Variants in CRYAB observed in about 807,000 individuals in gnomAD.
CRYAB encodes the protein crystallin alpha B.
In CRYAB, 9 loss-of-function variants were observed where a neutral mutation model predicts 12.7. The observed-to-expected ratio is 0.71, with a 90% CI of 0.43 to 1.24. CRYAB has a LOEUF of 1.24. CRYAB is among the 50% of genes most tolerant of loss of function. The probability of loss-of-function intolerance (pLI) is 0.00; values close to 1 mark genes in which losing one functional copy is unlikely to be tolerated. For missense variants in CRYAB, 183 were observed against 226.6 expected (o/e 0.81, Z 1.24); for synonymous variants, 93 against 86.8 (o/e 1.07, Z -0.40).
intron 2 of CRYAB, 172 bp from the exon 3 acceptor site, chr11:111,909,139 G>C (rs538066986): frequency 1.4e-6 from 1 of 706,492 alleles, no homozygotes; most frequent in South Asian, 1.5e-5. Context: ...AATTGCCTAG[G>C]TAGTCACTCC....
Position 111,911,659 on chromosome 11 carries a change from G to A in CRYAB, c.66C>T (p.Arg22=), listed in dbSNP as rs1310997127. Residue 22 remains arginine, a synonymous_variant, in exon 1 of 3, where the codon CGC becomes CGT. Coordinates refer to ENST00000650687, the MANE Select transcript of CRYAB (RefSeq NM_001289808.2). ...GCTCTCCGAAGAACTGGTCAAAGAGGCGGCTGGGGGAGTGGAAAGGAAAGA... is the reference window on the plus strand; with the variant it reads ...GCTCTCCGAAGAACTGGTCAAAGAGACGGCTGGGGGAGTGGAAAGGAAAGA... ...RPFFPFHSPS[R]LFDQFFGEHL... The A allele has an allele frequency of 6.2e-7, 1 of 1,609,444 alleles. No homozygotes were observed. The highest frequency in any genetic ancestry group is 1.7e-5 in the Admixed American group (1 of 59,176).
upstream of CRYAB, chr11:111,911,947 G>A (rs971719424): frequency 1.3e-5 from 7 of 558,426 alleles, no homozygotes; most frequent in South Asian, 6.4e-5. Flanking sequence ...ACACAAACAC[G>A]TCTGAGCCGG....
upstream of CRYAB, chr11:111,913,886 T>A: frequency 6.2e-7 from 1 of 1,606,338 alleles, no homozygotes; most frequent in Non-Finnish European, 8.5e-7. Context: ...CAGCCATAGT[T>A]GAGCCCTGAT....
At chr11:111,914,924 A>T (rs188276492), upstream of CRYAB, among the ~76,000 whole-genome samples, 21 of 152,048 alleles carry the variant, frequency 1.4e-4, no homozygotes, top group African/African-American at 4.6e-4. Flanking sequence ...AAAAAATAAA[A>T]ATTAGCCAGG....
upstream of CRYAB, chr11:111,912,881 T>C: frequency 6.2e-7 from 1 of 1,609,978 alleles, no homozygotes; most frequent in Non-Finnish European, 8.5e-7. Context: ...CGAGTACGAA[T>C]TTGCCAACCC....
chr11:111,915,400 A>C (rs1965582838), upstream of CRYAB, among the ~76,000 whole-genome samples: 1 of 152,242 alleles, frequency 6.6e-6, no homozygotes, highest in Non-Finnish European at 1.5e-5. Context: ...CATTCAGTAA[A>C]TATTTATCAA....
upstream of CRYAB, among the ~76,000 whole-genome samples, chr11:111,916,272 G>A (rs587702067): frequency 2.0e-5 from 3 of 149,226 alleles, no homozygotes; most frequent in Non-Finnish European, 3.0e-5. Context: ...CTCTGTCACC[G>A]AGGCTGGGTG....
upstream of CRYAB, among the ~76,000 whole-genome samples, chr11:111,914,551 A>G (rs1555166009): frequency 6.6e-6 from 1 of 152,204 alleles, no homozygotes; most frequent in African/African-American, 2.4e-5. Flanking sequence ...GAGTATGCAT[A>G]CACAGGGCAC....
intron 1 of CRYAB, among the ~76,000 whole-genome samples, chr11:111,921,095 G>A (rs1262279262): frequency 6.6e-6 from 1 of 152,190 alleles, no homozygotes; most frequent in East Asian, 1.9e-4. Flanking sequence ...TTCCATGCCT[G>A]GGGCAGATCT....
At position 111,919,055 on chromosome 11, in the gene CRYAB, T is replaced by C. The variant is rs782220736; in HGVS notation, c.-199+4648A>G. ...GAACATCTATCTCTGTTGGTGGATG[T>C]AGAGGCCCCGAAAATCAGAGGACCT... On this transcript the variant is annotated intron_variant, in intron 1 of 3. Transcript: ENST00000527950. 5 of 1,606,854 alleles carry C rather than the reference T, an allele frequency of 3.1e-6. No homozygotes were observed. The South Asian group carries it at 4.4e-5, about 14-fold the overall frequency.
Position 111,910,446 on chromosome 11 carries a change from G to T in CRYAB, c.205C>A (p.Arg69Ser), listed in dbSNP as rs139750142. The stretch of plus-strand genomic sequence containing the variant: ...ACAGAGAACCTGTCCTTCTCCAGGC[G>T]CATCTAGAAATAGCAAGGTAAGGGA... Reference protein sequence around the residue: ...SWFDTGLSEMRLEKDRFSVNL... With the variant: ...SWFDTGLSEMSLEKDRFSVNL... The change falls in exon 2 of 3, where the codon CGC becomes AGC. Residue 69 changes from arginine to serine, a missense_variant. Coordinates refer to ENST00000650687, the MANE Select transcript of CRYAB (RefSeq NM_001289808.2). The T allele has an allele frequency of 1.9e-6, 3 of 1,614,036 alleles. No homozygotes were observed. The African/African-American group carries it at 4.0e-5, about 22-fold the overall frequency.
upstream of CRYAB, chr11:111,913,701 C>T (rs1555165892): frequency 3.7e-6 from 6 of 1,614,164 alleles, no homozygotes; most frequent in Admixed American, 3.3e-5. Context: ...AGAGTTCTGC[C>T]GCACCTATGT....
At chr11:111,912,022 C>G, upstream of CRYAB, 1 of 371,070 alleles carries the variant, frequency 2.7e-6, no homozygotes, top group Non-Finnish European at 5.0e-6. Flanking sequence ...CCCACCCCCA[C>G]CCCTGTTCTC....
chr11:111,922,553 G>C (rs1555166624), intron 1 of CRYAB, among the ~76,000 whole-genome samples: 1 of 152,070 alleles, frequency 6.6e-6, no homozygotes, highest in Non-Finnish European at 1.5e-5. Context: ...TTTTAAATGT[G>C]CACAGTTTTT....
chr11:111,913,973 TA>T, upstream of CRYAB: 1 of 1,252,454 alleles, frequency 8.0e-7, no homozygotes, highest in South Asian at 1.4e-5. Flanking sequence ...ACTCCAGAGG[TA>T]GCAGCATCCT....
chr11:111,910,384 G>C lies in CRYAB; in HGVS notation c.267C>G (p.Leu89=). ...LDVKHFSPEE[L]KVKVLGDVIE... ...TCACATCTCCCAACACCTTAACTTT[G>C]AGTTCCTCTGGGGAGAAGTGCTTCA... Residue 89 remains leucine (L), a synonymous_variant, in exon 2 of 3, where the codon CTC becomes CTG. Coordinates refer to ENST00000650687, the MANE Select transcript of CRYAB (RefSeq NM_001289808.2). 1.2e-6 allele frequency: 2 copies of C among 1,614,174 alleles called. No homozygotes were observed. The highest frequency in any genetic ancestry group is 1.1e-5 in the South Asian group (1 of 91,080).
At chr11:111,913,003 C>T (rs1965518775), upstream of CRYAB, 3 of 1,028,708 alleles carry the variant, frequency 2.9e-6, no homozygotes, top group South Asian at 4.2e-5. Flanking sequence ...TTGCTGGCCT[C>T]CACCCCACTC....
chr11:111,921,239 T>C lies in CRYAB; in HGVS notation c.-199+2464A>G, dbSNP rs587665998. ...TACTACTCATTCATTTATCCATTCA[T>C]TTATTAAACAGTGTTTATTGAACAT... On this transcript the variant is annotated intron_variant, in intron 1 of 3. Transcript: ENST00000527950. Among the ~76,000 whole-genome samples, 11 of 152,310 alleles carry C rather than the reference T, an allele frequency of 7.2e-5. 1 individual carries two copies. Among genetic ancestry groups the C allele is most frequent in the Non-Finnish European group, 1.2e-4 (8 of 68,034 alleles).
chr11:111,923,496 T>G (rs1356703655), intron 1 of CRYAB, among the ~76,000 whole-genome samples: 1 of 151,996 alleles, frequency 6.6e-6, no homozygotes, highest in Non-Finnish European at 1.5e-5. Flanking sequence ...CTGGCAAGAG[T>G]TGGAAATGTA....
Sources: gnomAD v4.1 joint callset for allele counts (sites outside exome capture counted in the v4.1 genomes callset) on GRCh38, gnomAD v4.1.1 for gene constraint, MANE v1.5 for transcripts, NCBI Gene and HGNC (gene_info 2026-07-23, HGNC 2026-07-21) for gene names.